The following AAK1 variants were observed in gnomAD, a reference collection of about 807,000 sequenced individuals.
The protein encoded by AAK1 is AP2-associated protein kinase 1.
A neutral mutation model predicts 116.0 loss-of-function variants in AAK1; 37 were observed. That is an observed-to-expected ratio of 0.32 (90% CI 0.25 to 0.42). The LOEUF (loss-of-function observed/expected upper bound fraction) is 0.42. Among genes scored for constraint, AAK1 ranks in the 10% least tolerant of loss-of-function variants. The pLI is 1.00. For missense variants in AAK1, 919 were observed against 1,170.6 expected (o/e 0.79, Z 3.14); for synonymous variants, 458 against 439.9 (o/e 1.04, Z -0.51).
chr2:69,558,315 G>A (rs1671479131), intron 2 of AAK1, among the ~76,000 whole-genome samples: 1 of 148,622 alleles, frequency 6.7e-6, no homozygotes, highest in Non-Finnish European at 1.5e-5. Context: ...CTGAACTCCA[G>A]CCTGGGTGAA....
rs774221225 is a variant in AAK1, at chr2:69,509,407, G to A, written c.1830C>T (p.Ala610=). The change falls in exon 14 of 22, where the codon GCC becomes GCT. Residue 610 remains alanine (A), a synonymous_variant. Coordinates refer to ENST00000409085, the MANE Select transcript of AAK1 (RefSeq NM_014911.5). The part of the protein sequence containing the change: ...QPKVQTTPPP[A]VQGQKVGSLT... Reference sequence around the variant, plus strand: ...GAGATCCAACTTTCTGCCCCTGGACGGCAGGAGGTGGGGTTGTCTGAACCT... The same window carrying A: ...GAGATCCAACTTTCTGCCCCTGGACAGCAGGAGGTGGGGTTGTCTGAACCT... The A allele has an allele frequency of 7.4e-6, 12 of 1,613,814 alleles. No homozygotes were observed. Among genetic ancestry groups the A allele is most frequent in the African/African-American group, 1.3e-5 (1 of 74,892 alleles).
Position 69,626,765 on chromosome 2 carries a change from G to A in AAK1, c.163+16113C>T, listed in dbSNP as rs141236568. On this transcript the variant is annotated intron_variant, in intron 2 of 21. Coordinates refer to ENST00000409085, the MANE Select transcript of AAK1 (RefSeq NM_014911.5). Reference sequence around the variant, plus strand: ...TCCCCCTGCCTTGGCCTCTCAAAGTGCTGGGATTATAGGCATGGGCCACCA... The same window carrying A: ...TCCCCCTGCCTTGGCCTCTCAAAGTACTGGGATTATAGGCATGGGCCACCA... 6.7e-3 allele frequency among the ~76,000 whole-genome samples: 1,011 copies of A among 150,672 alleles called. 12 individuals carry two copies. Among genetic ancestry groups the A allele is most frequent in the African/African-American group, 0.023 (936 of 40,852 alleles).
At chr2:69,512,959 C>T (rs6752846) in intron 13 of AAK1, among the ~76,000 whole-genome samples, 87,863 of 152,056 alleles carry the variant, frequency 0.58, 25,852 homozygotes, top group East Asian at 0.8. Context: ...ACCATCAGTT[C>T]GTATGTCTTG....
chr2:69,582,627 CT>C (rs1158504304), intron 2 of AAK1, among the ~76,000 whole-genome samples: 2 of 152,120 alleles, frequency 1.3e-5, no homozygotes, highest in Non-Finnish European at 2.9e-5. Context: ...ATTCAATATT[CT>C]ACAGAGAAAC....
Position 69,519,218 on chromosome 2 carries a change from A to G in AAK1, c.1233T>C (p.Leu411=). 1 of 1,585,474 alleles carries G rather than the reference A, an allele frequency of 6.3e-7. No individual in the cohort carries two copies. The highest frequency in any genetic ancestry group is 1.2e-5 in the South Asian group (1 of 86,552). ...GTTTTGGTTGGGGAACACTGGCTAAAAGGCCAGGCTGATTGCTGGATCCTG... is the reference window on the plus strand; with the variant it reads ...GTTTTGGTTGGGGAACACTGGCTAAGAGGCCAGGCTGATTGCTGGATCCTG... The part of the protein sequence containing the change: ...QAAGSSNQPG[L]LASVPQPKPQ... Residue 411 remains leucine, a synonymous_variant, in exon 12 of 22, where the codon CTT becomes CTC. Transcript: ENST00000409085.
chr2:69,500,698 T>TATATATATATATATATATATAC, intron 16 of AAK1, among the ~76,000 whole-genome samples: 3 of 65,094 alleles, frequency 4.6e-5, no homozygotes, highest in Non-Finnish European at 7.8e-5. Context: ...TATATATATA[T>TATATATATATATATATATATAC]ACACACACAC....
chr2:69,524,409 CTTT>C (rs1312119868), intron 10 of AAK1, among the ~76,000 whole-genome samples: 3 of 135,326 alleles, frequency 2.2e-5, no homozygotes, highest in South Asian at 2.5e-4. Flanking sequence ...TAGCAACATT[CTTT>C]TTTTGTTTTG....
At chr2:69,590,978 G>T (rs898240341) in intron 2 of AAK1, among the ~76,000 whole-genome samples, 1 of 152,212 alleles carries the variant, frequency 6.6e-6, no homozygotes, top group Non-Finnish European at 1.5e-5. Flanking sequence ...ATGAATGTCA[G>T]CTCGATTGCT....
chr2:69,519,411 T>A (rs1332745658), intron 11 of AAK1, among the ~76,000 whole-genome samples, 171 bp from the exon 12 acceptor site: 3 of 152,240 alleles, frequency 2.0e-5, no homozygotes, highest in African/African-American at 7.2e-5. Context: ...TGTCTTTCTA[T>A]CTTCTTGCTA....
At chr2:69,514,435 G>T in intron 13 of AAK1, 36 bp downstream of exon 13, 1 of 1,496,642 alleles carries the variant, frequency 6.7e-7, no homozygotes. Context: ...ACATTCCTCT[G>T]CTGCTTTTGT....
At chr2:69,534,439 T>A (rs1335241108) in intron 5 of AAK1, among the ~76,000 whole-genome samples, 1 of 152,256 alleles carries the variant, frequency 6.6e-6, no homozygotes, top group Admixed American at 6.5e-5. Context: ...CTTGGTGCTT[T>A]ATGTTCAGAA....
chr2:69,542,841 T>A (rs1670776556), intron 4 of AAK1, among the ~76,000 whole-genome samples, 176 bp from the exon 5 acceptor site: 1 of 152,196 alleles, frequency 6.6e-6, no homozygotes, highest in Non-Finnish European at 1.5e-5. Flanking sequence ...GGATTTGTTT[T>A]CTTATAATTC....
intron 5 of AAK1, among the ~76,000 whole-genome samples, chr2:69,535,925 C>T (rs186314199): frequency 1.1e-3 from 162 of 152,314 alleles, no homozygotes; most frequent in Non-Finnish European, 2.0e-3. Context: ...GCATAGAAAC[C>T]AGAGTGATAA....
At position 69,479,040 on chromosome 2, in the gene AAK1, G is replaced by C. The variant is rs761855107; in HGVS notation, c.2591C>G (p.Ser864Cys). 6.2e-7 allele frequency: 1 copy of C among 1,613,572 alleles called. No individual in the cohort carries two copies. Reference protein sequence around the residue: ...NRTDSLTGEDSLLDCSLLSNP... With the variant: ...NRTDSLTGEDCLLDCSLLSNP... ...AGAGAGCAGAGAGCAATCAAGCAGG[G>C]AATCTTCCCCGGTGAGAGAATCTGA... The change falls in exon 20 of 22, where the codon TCC becomes TGC. Residue 864 changes from serine (S) to cysteine (C), a missense_variant. Around this residue, in one of 4 missense-constraint regions of AAK1, gnomAD observed 263 missense variants for 285.5 expected, o/e 0.92. Coordinates refer to ENST00000409085, the MANE Select transcript of AAK1 (RefSeq NM_014911.5).
At chr2:69,580,922 T>A (rs1227847745) in intron 2 of AAK1, among the ~76,000 whole-genome samples, 3 of 152,354 alleles carry the variant, frequency 2.0e-5, no homozygotes, top group Admixed American at 2.0e-4. Context: ...GACAGTCATA[T>A]GCATATTTAG....
intron 16 of AAK1, among the ~76,000 whole-genome samples, chr2:69,504,905 G>T (rs1676119943): frequency 6.6e-6 from 1 of 152,098 alleles, no homozygotes; most frequent in Non-Finnish European, 1.5e-5. Context: ...CTATCTCTTG[G>T]TCGTGAGGTC....
chr2:69,483,802 C>T (rs1471310043), intron 17 of AAK1, among the ~76,000 whole-genome samples: 1 of 152,066 alleles, frequency 6.6e-6, no homozygotes, highest in Non-Finnish European at 1.5e-5. Flanking sequence ...TGTCTTCTGG[C>T]CAAGAAATAA....
At chr2:69,589,364 T>C (rs978504221) in intron 2 of AAK1, among the ~76,000 whole-genome samples, 4 of 150,774 alleles carry the variant, frequency 2.7e-5, no homozygotes, top group African/African-American at 9.8e-5. Context: ...GGAAAAGGAG[T>C]CCTAGGGGCT....
At chr2:69,605,341 C>T (rs548689635) in intron 2 of AAK1, among the ~76,000 whole-genome samples, 7 of 152,286 alleles carry the variant, frequency 4.6e-5, no homozygotes, top group East Asian at 3.9e-4. Flanking sequence ...ACATGGTATC[C>T]GAACATAGCA....
Sources: allele counts gnomAD v4.1 joint callset (sites outside exome capture counted in the v4.1 genomes callset), GRCh38; gene constraint gnomAD v4.1.1; regional missense constraint gnomAD v4.1.1; transcripts MANE v1.5; gene names NCBI Gene and HGNC (gene_info 2026-07-23, HGNC 2026-07-21).